NRXN3: variants seen among roughly 807,000 people sequenced by gnomAD.
The protein encoded by NRXN3 is neurexin III.
NRXN3 carries 32 observed loss-of-function variants against 137.6 expected under a neutral mutation model. The observed-to-expected ratio is 0.23, with a 90% confidence interval of 0.18 to 0.31. The LOEUF (loss-of-function observed/expected upper bound fraction) is 0.31. NRXN3 is among the 10% of genes least tolerant of loss of function. NRXN3 has a pLI of 1.00. For missense variants in NRXN3, 1,574 were observed against 2,062.5 expected, an observed-to-expected ratio of 0.76 and a Z score of 4.59; for synonymous variants, 798 against 784.5, an observed-to-expected ratio of 1.02 and a Z score of -0.29.
intron 16 of NRXN3, among the ~76,000 whole-genome samples, chr14:79,636,498 G>T (rs1176694405): frequency 6.6e-6 from 1 of 152,162 alleles, no homozygotes; most frequent in East Asian, 1.9e-4. Context: ...AGAGTGTTTA[G>T]GTTGGCCTCT....
At chr14:79,403,765 G>A (rs1043811769) in intron 15 of NRXN3, among the ~76,000 whole-genome samples, 5 of 152,056 alleles carry the variant, frequency 3.3e-5, no homozygotes, top group Non-Finnish European at 2.9e-5. Flanking sequence ...ATTGTTCCTG[G>A]TACAACATGT....
intron 15 of NRXN3, among the ~76,000 whole-genome samples, chr14:79,163,200 A>G (rs2060966130): frequency 6.6e-6 from 1 of 152,052 alleles, no homozygotes; most frequent in Non-Finnish European, 1.5e-5. Flanking sequence ...CATTGGAGCA[A>G]TTATAGTCTA....
chr14:78,878,221 A>C (rs1400155666), intron 10 of NRXN3, among the ~76,000 whole-genome samples: 1 of 152,152 alleles, frequency 6.6e-6, no homozygotes, highest in African/African-American at 2.4e-5. Flanking sequence ...AAATATACAA[A>C]AGTACACTGA....
At chr14:79,332,681 T>C (rs564140265) in intron 15 of NRXN3, among the ~76,000 whole-genome samples, 2 of 152,200 alleles carry the variant, frequency 1.3e-5, no homozygotes, top group Non-Finnish European at 2.9e-5. Context: ...GAGTCATTAC[T>C]AATCCACACT....
chr14:79,829,971 T>C (rs1450955099), intron 20 of NRXN3, among the ~76,000 whole-genome samples: 14 of 152,364 alleles, frequency 9.2e-5, no homozygotes. Context: ...TGTTTATCTG[T>C]CTGCAACACA....
chr14:79,067,634 A>G (rs781414669), intron 15 of NRXN3, among the ~76,000 whole-genome samples: 1 of 151,976 alleles, frequency 6.6e-6, no homozygotes, highest in Non-Finnish European at 1.5e-5. Flanking sequence ...TACTGCCTCA[A>G]TTTCAGAACG....
rs576580189 is a variant in NRXN3 at position 79,173,513 on chromosome 14, A to T, written c.3262+185372A>T. On this transcript the variant is annotated intron_variant, in intron 15 of 20. Coordinates refer to ENST00000335750, the MANE Select transcript of NRXN3 (RefSeq NM_001330195.2). ...GCCCCTGCACTCCAGCCTAGGTGACAGAGCAAGACCTTGTCTCAAAAAAAA... is the reference window on the plus strand; with the variant it reads ...GCCCCTGCACTCCAGCCTAGGTGACTGAGCAAGACCTTGTCTCAAAAAAAA... Among the ~76,000 whole-genome samples, 149 of 142,328 alleles carry T rather than the reference A, an allele frequency of 1.0e-3. 1 individual carries two copies. The highest frequency in any genetic ancestry group is 3.8e-3 in the African/African-American group (145 of 38,278). The allele number at this position is 142,328 out of a possible 152,430, so 93.4% of individuals were successfully genotyped here.
At chr14:78,482,171 C>G (rs1285173075) in intron 4 of NRXN3, among the ~76,000 whole-genome samples, 1 of 152,198 alleles carries the variant, frequency 6.6e-6, no homozygotes, top group African/African-American at 2.4e-5. Flanking sequence ...TTTTCTCAAA[C>G]TCCAAAGCCC....
At chr14:78,927,171 T>G (rs1424632132) in intron 10 of NRXN3, among the ~76,000 whole-genome samples, 1 of 144,886 alleles carries the variant, frequency 6.9e-6, no homozygotes, top group African/African-American at 2.6e-5. Flanking sequence ...AAAAAGTTTT[T>G]TTCAGAATTC....
At position 78,553,866 on chromosome 14, in the gene NRXN3, C is replaced by G. The variant is rs538472128; in HGVS notation, c.758-91254C>G. ...CCTACAGCAACTTGTTTAACTCTCT[C>G]TACCAGGCAATAAGGTGGAGGGGCA... On this transcript the variant is annotated intron_variant, in intron 4 of 20. Coordinates refer to ENST00000335750, the MANE Select transcript of NRXN3 (RefSeq NM_001330195.2). Among the ~76,000 whole-genome samples, 9 of 152,304 alleles carry G rather than the reference C, an allele frequency of 5.9e-5. No homozygotes were observed. In the East Asian group the frequency reaches 1.7e-3, roughly 29 times the overall value.
At chr14:78,378,694 A>G (rs919417352) in intron 4 of NRXN3, among the ~76,000 whole-genome samples, 4 of 152,182 alleles carry the variant, frequency 2.6e-5, no homozygotes, top group Non-Finnish European at 4.4e-5. Context: ...TCTCAAATCA[A>G]TAATCAAACT....
intron 15 of NRXN3, among the ~76,000 whole-genome samples, chr14:79,198,208 G>A (rs2065405681): frequency 6.6e-6 from 1 of 152,100 alleles, no homozygotes; most frequent in Admixed American, 6.5e-5. Context: ...CCCCTTATGT[G>A]CTCTTGTTTT....
chr14:78,781,887 T>C (rs904417935), intron 8 of NRXN3, among the ~76,000 whole-genome samples: 19 of 152,136 alleles, frequency 1.2e-4, no homozygotes, highest in African/African-American at 3.9e-4. Context: ...AACAACCTTC[T>C]CACACGAAGA....
chr14:79,569,630 T>TGA (rs765780227), intron 16 of NRXN3, among the ~76,000 whole-genome samples: 2,020 of 135,720 alleles, frequency 0.015, 45 homozygotes, highest in African/African-American at 0.052. Flanking sequence ...TGTGTGTGTG[T>TGA]GAGAGAGAGA....
intron 2 of NRXN3, among the ~76,000 whole-genome samples, chr14:78,247,288 G>T (rs554964738): frequency 2.7e-4 from 41 of 152,176 alleles, no homozygotes; most frequent in Non-Finnish European, 5.6e-4. Flanking sequence ...TATTCCCTAG[G>T]TAAGACCCAG....
chr14:78,392,653 A>G (rs570070028), intron 4 of NRXN3, among the ~76,000 whole-genome samples: 34 of 152,250 alleles, frequency 2.2e-4, no homozygotes, highest in African/African-American at 7.2e-4. Flanking sequence ...GATGATATAA[A>G]TCATCTAACT....
chr14:78,439,748 C>T (rs185447203), intron 4 of NRXN3, among the ~76,000 whole-genome samples: 12 of 152,300 alleles, frequency 7.9e-5, no homozygotes, highest in Non-Finnish European at 1.8e-4. Flanking sequence ...CAACTCATCA[C>T]GCATCTTGGT....
At chr14:79,731,770 C>CACTG (rs1163128701) in intron 19 of NRXN3, among the ~76,000 whole-genome samples, 1 of 151,928 alleles carries the variant, frequency 6.6e-6, no homozygotes, top group East Asian at 1.9e-4. Flanking sequence ...AGGCGTGAGC[C>CACTG]ACTGAGCCCA....
At chr14:78,864,290 C>T (rs1234008374) in intron 10 of NRXN3, among the ~76,000 whole-genome samples, 2 of 151,382 alleles carry the variant, frequency 1.3e-5, no homozygotes, top group Admixed American at 6.6e-5. Flanking sequence ...ATCTTAGGTC[C>T]ACCAATCCCT....
Sources: allele counts gnomAD v4.1 joint callset (sites outside exome capture counted in the v4.1 genomes callset), GRCh38; gene constraint gnomAD v4.1.1; transcripts MANE v1.5; gene names NCBI Gene and HGNC (gene_info 2026-07-23, HGNC 2026-07-21).